ITGA9: variants seen among roughly 807,000 people sequenced by gnomAD.
The protein encoded by ITGA9 is integrin subunit alpha 9.
ITGA9 carries 56 observed loss-of-function variants against 127.8 expected under a neutral mutation model. The ratio of observed to expected loss-of-function variants is 0.44; its 90% confidence interval spans 0.35 to 0.55. The LOEUF (loss-of-function observed/expected upper bound fraction) is 0.55, where lower values mean the gene tolerates loss of function less well. Ranked by LOEUF, ITGA9 falls within the 20% of genes least tolerant of loss-of-function variation. The pLI is 0.00. For synonymous variants in ITGA9, 508 were observed against 514.5 expected, an observed-to-expected ratio of 0.99 and a Z score of 0.17; for missense variants, 1,196 against 1,347.1, an observed-to-expected ratio of 0.89 and a Z score of 1.76.
intron 27 of ITGA9, chr3:37,808,391 G>A (rs1697324919): frequency 6.6e-6 from 1 of 152,176 alleles, no homozygotes; most frequent in Non-Finnish European, 1.5e-5. Context: ...GGAGGCTAGT[G>A]GGGGAGAAAG....
At chr3:37,461,518 G>T (rs956234853) in intron 1 of ITGA9, among the ~76,000 whole-genome samples, 2 of 152,162 alleles carry the variant, frequency 1.3e-5, no homozygotes. Context: ...CTTGTTACTT[G>T]ATCTGATTTA....
intron 18 of ITGA9, among the ~76,000 whole-genome samples, chr3:37,725,474 T>C (rs980861323): frequency 1.3e-4 from 20 of 152,190 alleles, no homozygotes; most frequent in Non-Finnish European, 2.5e-4. Context: ...TGTAGGGAGA[T>C]AGGCAGGGGA....
At chr3:37,748,138 G>A (rs1012560742) in intron 22 of ITGA9, 8 of 491,488 alleles carry the variant, frequency 1.6e-5, no homozygotes, top group South Asian at 1.2e-4. Flanking sequence ...AAAGAGGAAA[G>A]GCACCTGATA....
chr3:37,470,882 TATA>T, intron 1 of ITGA9, 122 bp from the exon 2 acceptor site: 1 of 941,012 alleles, frequency 1.1e-6, no homozygotes, highest in East Asian at 2.6e-5. Context: ...CACAGAAAAG[TATA>T]ATAATATGAT....
At chr3:37,815,608 C>CAA (rs71288088) in intron 27 of ITGA9, among the ~76,000 whole-genome samples, 25 of 92,550 alleles carry the variant, frequency 2.7e-4, no homozygotes, top group Admixed American at 5.0e-4. Flanking sequence ...GACTCTGTCT[C>CAA]AAAAAAAAAA....
intron 16 of ITGA9, among the ~76,000 whole-genome samples, chr3:37,640,844 T>TCTGC (rs1474291754): frequency 1.3e-5 from 2 of 152,132 alleles, no homozygotes; most frequent in Non-Finnish European, 2.9e-5. Flanking sequence ...CATCGGCTGC[T>TCTGC]CTGCCTGCCT....
intron 27 of ITGA9, among the ~76,000 whole-genome samples, chr3:37,809,088 C>CTTTTTT (rs1208683122): frequency 1.5e-5 from 2 of 133,486 alleles, no homozygotes; most frequent in Admixed American, 7.6e-5. Context: ...AAAATCTTTT[C>CTTTTTT]TTTTTTTTTT....
chr3:37,495,909 C>T (rs954643415), intron 5 of ITGA9, among the ~76,000 whole-genome samples: 1 of 152,166 alleles, frequency 6.6e-6, no homozygotes, highest in Non-Finnish European at 1.5e-5. Context: ...TCCGAGGCTT[C>T]CCAGTCCATG....
At chr3:37,657,094 A>G (rs1700486412) in intron 17 of ITGA9, among the ~76,000 whole-genome samples, 1 of 152,220 alleles carries the variant, frequency 6.6e-6, no homozygotes, top group Non-Finnish European at 1.5e-5. Context: ...TCAGTTTGCC[A>G]GTATTTTATT....
intron 15 of ITGA9, among the ~76,000 whole-genome samples, chr3:37,601,218 C>T (rs1161881890): frequency 6.6e-6 from 1 of 152,210 alleles, no homozygotes; most frequent in Non-Finnish European, 1.5e-5. Flanking sequence ...CACGCCTCCA[C>T]CTTCCATTGG....
intron 12 of ITGA9, among the ~76,000 whole-genome samples, chr3:37,524,341 T>C (rs901866033): frequency 3.9e-5 from 6 of 152,232 alleles, no homozygotes; most frequent in African/African-American, 1.4e-4. Flanking sequence ...CTCTAAATTT[T>C]ATAGTCATCT....
At chr3:37,508,458 C>T in intron 7 of ITGA9, 101 bp from the exon 8 acceptor site, 2 of 899,642 alleles carry the variant, frequency 2.2e-6, no homozygotes, top group Non-Finnish European at 3.5e-6. Flanking sequence ...TGCTGTGCAC[C>T]TGGCTCTTAA....
At chr3:37,683,532 G>A (rs1488412476) in intron 17 of ITGA9, among the ~76,000 whole-genome samples, 1 of 152,182 alleles carries the variant, frequency 6.6e-6, no homozygotes, top group Admixed American at 6.5e-5. Flanking sequence ...CACATGGTAG[G>A]CACTCAGAAA....
At chr3:37,698,660 G>A (rs1256568305) in intron 18 of ITGA9, among the ~76,000 whole-genome samples, 3 of 152,026 alleles carry the variant, frequency 2.0e-5, no homozygotes, top group Admixed American at 1.3e-4. Flanking sequence ...ACCAGTTTTC[G>A]TGTGCATGTT....
intron 18 of ITGA9, among the ~76,000 whole-genome samples, chr3:37,700,461 C>T (rs1223033068): frequency 1.3e-5 from 2 of 152,180 alleles, no homozygotes; most frequent in Non-Finnish European, 2.9e-5. Flanking sequence ...TCAAGCGATC[C>T]TCCCAGCCTC....
At chr3:37,518,750 G>T (rs1407628955) in intron 10 of ITGA9, among the ~76,000 whole-genome samples, 1 of 129,774 alleles carries the variant, frequency 7.7e-6, no homozygotes, top group African/African-American at 3.0e-5. Context: ...TTCTCAGTCA[G>T]CTTCTATAGT....
chr3:37,648,118 C>G (rs1392854006), intron 16 of ITGA9, among the ~76,000 whole-genome samples: 2 of 152,116 alleles, frequency 1.3e-5, no homozygotes, highest in Non-Finnish European at 2.9e-5. Context: ...TTCATAATGG[C>G]TGTACCAATT....
At chr3:37,707,937 A>G (rs976336066) in intron 18 of ITGA9, among the ~76,000 whole-genome samples, 5 of 152,114 alleles carry the variant, frequency 3.3e-5, no homozygotes, top group Admixed American at 1.3e-4. Flanking sequence ...CCCCTTCCCG[A>G]GTGCTTCCTG....
intron 21 of ITGA9, 130 bp from the exon 22 acceptor site, chr3:37,743,796 C>A (rs991828995): frequency 3.8e-5 from 28 of 732,728 alleles, no homozygotes; most frequent in Non-Finnish European, 6.0e-5. Flanking sequence ...TATGTAACAG[C>A]CCCAGCAGGG....
Sources: allele counts gnomAD v4.1 joint callset (sites outside exome capture counted in the v4.1 genomes callset), GRCh38; gene constraint gnomAD v4.1.1; transcripts MANE v1.5; gene names NCBI Gene and HGNC (gene_info 2026-07-23, HGNC 2026-07-21).